The following NRXN3 variants were observed in gnomAD, a reference collection of about 807,000 sequenced individuals.
The protein encoded by NRXN3 is neurexin III.
Under a neutral mutation model 137.6 loss-of-function variants are expected in NRXN3, and 32 were observed. The ratio of observed to expected loss-of-function variants is 0.23; its 90% CI spans 0.18 to 0.31. The LOEUF (loss-of-function observed/expected upper bound fraction) is 0.31, where lower values mean the gene tolerates loss of function less well. NRXN3 is among the 10% of genes least tolerant of loss of function. The probability of loss-of-function intolerance (pLI) is 1.00; values close to 1 mark genes in which losing one functional copy is unlikely to be tolerated. For missense variants in NRXN3, 1,574 were observed against 2,062.5 expected (o/e 0.76, Z 4.59); for synonymous variants, 798 against 784.5 (o/e 1.02, Z -0.29).
intron 15 of NRXN3, among the ~76,000 whole-genome samples, chr14:79,386,631 C>T (rs990246172): frequency 6.6e-6 from 1 of 151,896 alleles, no homozygotes; most frequent in African/African-American, 2.4e-5. Flanking sequence ...CAAAAAGGAG[C>T]CCACATTGCC....
At chr14:79,519,282 A>G (rs1430930280) in intron 16 of NRXN3, among the ~76,000 whole-genome samples, 1 of 152,024 alleles carries the variant, frequency 6.6e-6, no homozygotes, top group African/African-American at 2.4e-5. Context: ...TTTAAATTTT[A>G]TGTATCTGCA....
At chr14:78,186,182 G>C (rs1211625761) in intron 1 of NRXN3, among the ~76,000 whole-genome samples, 1 of 152,212 alleles carries the variant, frequency 6.6e-6, no homozygotes, top group East Asian at 1.9e-4. Context: ...GGAAGGAGGA[G>C]AGGCAGAGTG....
intron 19 of NRXN3, among the ~76,000 whole-genome samples, chr14:79,800,857 A>G (rs776346017): frequency 6.6e-6 from 1 of 152,214 alleles, no homozygotes; most frequent in African/African-American, 2.4e-5. Flanking sequence ...TTAGGATATG[A>G]TCTTAAGCCG....
Position 78,465,841 on chromosome 14 carries a change from T to A in NRXN3, c.757+167981T>A, listed in dbSNP as rs1020821259. ...AGCCACCGCGCCCGGCCTAAGGTAT[T>A]TTTTTAAATTTTTATTTATTTATTT... On this transcript the variant is annotated intron_variant, in intron 4 of 20. Transcript: ENST00000335750. Among the ~76,000 whole-genome samples the A allele has an allele frequency of 1.1e-4, 17 of 150,112 alleles. No homozygotes were observed. The South Asian group carries it at 1.7e-3, about 15-fold the overall frequency.
At chr14:79,518,216 T>C (rs1318229050) in intron 16 of NRXN3, among the ~76,000 whole-genome samples, 3 of 152,070 alleles carry the variant, frequency 2.0e-5, no homozygotes, top group East Asian at 3.9e-4. Context: ...ACTTTTCTTT[T>C]ATATTTTTTT....
At chr14:79,457,652 C>T (rs75368507) in intron 15 of NRXN3, among the ~76,000 whole-genome samples, 1,672 of 152,156 alleles carry the variant, frequency 0.011, 34 homozygotes, top group African/African-American at 0.036. Flanking sequence ...GAATTAAAGC[C>T]ACAAATACAC....
At chr14:78,935,291 A>G (rs951975051) in intron 10 of NRXN3, among the ~76,000 whole-genome samples, 2 of 152,184 alleles carry the variant, frequency 1.3e-5, no homozygotes, top group African/African-American at 4.8e-5. Flanking sequence ...GTGAAAATGT[A>G]TTCTACAGCC....
chr14:79,211,306 A>T (rs548767034), intron 15 of NRXN3, among the ~76,000 whole-genome samples: 1 of 152,310 alleles, frequency 6.6e-6, no homozygotes, highest in East Asian at 1.9e-4. Context: ...GGCACTTCAC[A>T]AGTGCTCAAT....
At chr14:78,768,772 A>G (rs1406238466) in intron 8 of NRXN3, among the ~76,000 whole-genome samples, 1 of 152,168 alleles carries the variant, frequency 6.6e-6, no homozygotes, top group Non-Finnish European at 1.5e-5. Flanking sequence ...TAAAATGCCA[A>G]TATTTGTTTG....
chr14:79,054,105 A>T (rs937591956), intron 15 of NRXN3, among the ~76,000 whole-genome samples: 5 of 146,024 alleles, frequency 3.4e-5, no homozygotes, highest in Non-Finnish European at 6.0e-5. Flanking sequence ...GTAGGAATTG[A>T]ACAATGAAAA....
At position 79,618,103 on chromosome 14, in the gene NRXN3, T is replaced by G. The variant is rs371067708; in HGVS notation, c.3445-45675T>G. On this transcript the variant is annotated intron_variant, in intron 16 of 20. Transcript: ENST00000335750. ...GTAGTCTCTGATGAGTTTTGAAGAT[T>G]AATTTTGCAGAAGTAAGATAATATT... Among the ~76,000 whole-genome samples the G allele has an allele frequency of 2.0e-3, 297 of 152,218 alleles. 5 individuals are homozygous for G. Among genetic ancestry groups the G allele is most frequent in the African/African-American group, 6.5e-3 (268 of 41,536 alleles).
chr14:78,356,091 A>G (rs1219710800), intron 4 of NRXN3, among the ~76,000 whole-genome samples: 2 of 152,350 alleles, frequency 1.3e-5, no homozygotes, highest in African/African-American at 2.4e-5. Flanking sequence ...TGTGATTGCA[A>G]AGGGAAAGGC....
intron 4 of NRXN3, among the ~76,000 whole-genome samples, chr14:78,504,984 C>T (rs2095958337): frequency 6.6e-6 from 1 of 152,080 alleles, no homozygotes; most frequent in African/African-American, 2.4e-5. Context: ...AATCTCTGAG[C>T]CTTTGCCCTA....
At chr14:79,780,990 T>C (rs201501219) in intron 19 of NRXN3, among the ~76,000 whole-genome samples, 2 of 152,188 alleles carry the variant, frequency 1.3e-5, no homozygotes, top group East Asian at 3.9e-4. Context: ...ATATGTAAGA[T>C]GTACCTCTCT....
rs906156756 is a variant in NRXN3 at position 79,635,702 on chromosome 14, T to C, written c.3445-28076T>C. Reference sequence around the variant, plus strand: ...GGCGTTTTCCCTGTGTGTCTGTATTTGTCTGTTCTCATGCTGCTTTGAAGA... The same window carrying C: ...GGCGTTTTCCCTGTGTGTCTGTATTCGTCTGTTCTCATGCTGCTTTGAAGA... On this transcript the variant is annotated intron_variant, in intron 16 of 20. Coordinates refer to ENST00000335750, the MANE Select transcript of NRXN3 (RefSeq NM_001330195.2). Among the ~76,000 whole-genome samples the C allele has an allele frequency of 2.6e-5, 4 of 152,212 alleles. No individual in the cohort carries two copies. The South Asian group carries it at 8.3e-4, about 32-fold the overall frequency.
intron 14 of NRXN3, among the ~76,000 whole-genome samples, chr14:78,982,171 A>T (rs1010082210): frequency 6.6e-6 from 1 of 152,226 alleles, no homozygotes; most frequent in African/African-American, 2.4e-5. Context: ...TTATTGGTAA[A>T]TTCTAGGGAT....
intron 1 of NRXN3, among the ~76,000 whole-genome samples, chr14:78,202,682 C>T (rs991189929): frequency 2.0e-5 from 3 of 152,268 alleles, no homozygotes; most frequent in Admixed American, 6.5e-5. Context: ...TGACACCCTG[C>T]GAGGGAAAAC....
At chr14:79,322,056 A>T (rs1020051151) in intron 15 of NRXN3, among the ~76,000 whole-genome samples, 8 of 152,022 alleles carry the variant, frequency 5.3e-5, no homozygotes, top group Non-Finnish European at 1.0e-4. Flanking sequence ...CAACACAGCA[A>T]GATCCCATCT....
chr14:79,517,341 A>G (rs1269695034), intron 16 of NRXN3, among the ~76,000 whole-genome samples: 1 of 152,020 alleles, frequency 6.6e-6, no homozygotes, highest in Admixed American at 6.6e-5. Context: ...TTTTGTTTTT[A>G]ATTGATTTCT....
Sources: allele counts gnomAD v4.1 joint callset (sites outside exome capture counted in the v4.1 genomes callset), GRCh38; gene constraint gnomAD v4.1.1; transcripts MANE v1.5; gene names NCBI Gene and HGNC (gene_info 2026-07-23, HGNC 2026-07-21).